Variants in SEC16A observed in about 807,000 individuals in gnomAD.
SEC16A encodes the protein SEC16 homolog A, endoplasmic reticulum export factor.
Under a neutral mutation model 221.9 loss-of-function variants are expected in SEC16A, and 110 were observed. The observed-to-expected ratio is 0.50, with a 90% CI of 0.42 to 0.58. SEC16A has a LOEUF of 0.58. SEC16A is among the 20% of genes least tolerant of loss of function. The probability of loss-of-function intolerance (pLI) is 0.00; values close to 1 mark genes in which losing one functional copy is unlikely to be tolerated. For missense variants in SEC16A, 3,165 were observed against 3,097.8 expected, an observed-to-expected ratio of 1.02 and a Z score of -0.52; for synonymous variants, 1,393 against 1,257.7, an observed-to-expected ratio of 1.11 and a Z score of -2.28.
Position 136,460,259 on chromosome 9 carries a change from T to TAA in SEC16A, c.4992-138_4992-137dup, listed in dbSNP as rs1188005412. 7.9e-6 allele frequency: 5 copies of TAA among 633,966 alleles called. No homozygotes were observed. The East Asian group carries it at 1.4e-4, about 18-fold the overall frequency. The allele number at this position is 633,966 out of a possible 1,614,324, so 39.3% of individuals were successfully genotyped here. On this transcript the variant is annotated intron_variant, in intron 13 of 31. Coordinates refer to ENST00000684901, the MANE Select transcript of SEC16A (RefSeq NM_014866.2). Reference sequence around the variant, plus strand: ...GGGCGGATCACCTGAGGTCAGAAGTTAAGAGACTAACATGGAGAAACCCCA... The same window carrying TAA: ...GGGCGGATCACCTGAGGTCAGAAGTTAAAAGAGACTAACATGGAGAAACCCCA...
At position 136,474,187 on chromosome 9, in the gene SEC16A, T is replaced by G. The variant is rs780218781; in HGVS notation, c.3429A>C (p.Pro1143=). ...GTGGGCCGGGGGCAAGTGCAGGCAC[T>G]GGCTGTGGCCACGGCTGCTCTGACG... ...AVPSEQPWPQ[P]VPALAPGPPP... The change falls in exon 3 of 32, where the codon CCA becomes CCC. Residue 1143 remains proline, a synonymous_variant. Transcript: ENST00000684901. 3.1e-6 allele frequency: 5 copies of G among 1,612,706 alleles called. No homozygotes were observed. Among genetic ancestry groups the G allele is most frequent in the African/African-American group, 1.3e-5 (1 of 75,058 alleles).
In SEC16A at chr9:136,475,993, C is replaced by G; in HGVS notation, c.1623G>C (p.Glu541Asp). ...GRLSGSARPQELVGTFIQQEV... is the reference protein window; with the variant it reads ...GRLSGSARPQDLVGTFIQQEV... ...CTTGCTGAATGAATGTGCCAACCAG[C>G]TCCTGGGGCCTGGCTGAGCCTGAGA... The change falls in exon 3 of 32, where the codon GAG (glutamate) becomes GAC (aspartate). Residue 541 changes from glutamate (E) to aspartate (D), a missense_variant. Around this residue, in one of 3 missense-constraint regions of SEC16A, gnomAD observed 2,030 missense variants for 1,923.1 expected, o/e 1.06. Transcript: ENST00000684901. The surrounding 1 kb of genome is among the most constrained non-coding windows in gnomAD (Gnocchi z 5.0). The G allele has an allele frequency of 6.2e-7, 1 of 1,613,534 alleles. No individual in the cohort carries two copies.
rs1164577202 is a variant in SEC16A at position 136,447,524 on chromosome 9, A to T, written c.6559+45T>A. 6.4e-7 allele frequency: 1 copy of T among 1,560,214 alleles called. No homozygotes were observed. Among genetic ancestry groups the T allele is most frequent in the Non-Finnish European group, 8.8e-7 (1 of 1,134,514 alleles). On this transcript the variant is annotated intron_variant, in intron 26 of 31. Transcript: ENST00000684901. The surrounding 1 kb of genome is among the most constrained non-coding windows in gnomAD (Gnocchi z 5.5). ...CTACACATTGGCCTCTCTCTCTGGGACAGTTAATCGTTCAAGCAAGCTCCC... is the reference window on the plus strand; with the variant it reads ...CTACACATTGGCCTCTCTCTCTGGGTCAGTTAATCGTTCAAGCAAGCTCCC...
rs1437043940 is a variant in SEC16A, at chr9:136,440,744, T to C, written c.*1011A>G. 6.6e-6 allele frequency: 1 copy of C among 152,464 alleles called. No individual in the cohort carries two copies. The highest frequency in any genetic ancestry group is 1.5e-5 in the Non-Finnish European group (1 of 68,030). 9.4% of individuals were successfully genotyped at this position (152,464 alleles called of 1,614,324 possible). ...AGTTCCAGAGCTGCTGTCAAGAAAC[T>C]GTGTTAAGATACTCTCCCCAAGTGC... On this transcript the variant is annotated 3_prime_UTR_variant, in exon 32 of 32. Transcript: ENST00000684901.
chr9:136,463,017 TC>T lies in SEC16A; in HGVS notation c.4762del (p.Glu1588SerfsTer51). 6.2e-7 allele frequency: 1 copy of T among 1,612,034 alleles called. No homozygotes were observed. ...NLIDFTNEAVEQVEEEESGEA... is the reference protein window; with the variant it reads ...NLIDFTNEAVXQVEEEESGEA... ...ACCAGACTCCTCCTCTTCCACCTGC[TC>T]CACTGCCTCATTCGTGAAATCAATC... On this transcript the variant is annotated frameshift_variant, in exon 12 of 32. Coordinates refer to ENST00000684901, the MANE Select transcript of SEC16A (RefSeq NM_014866.2). LOFTEE classifies it high-confidence loss of function.
Position 136,463,347 on chromosome 9 carries a change from G to A in SEC16A, c.4647+116C>T, listed in dbSNP as rs903622763. The stretch of plus-strand genomic sequence containing the variant: ...CAGTGTGCTTCCTAAGGGGGCCCTC[G>A]AGGCTCCCATAGCTGGCCACGCGGA... On this transcript the variant is annotated intron_variant, in intron 11 of 31. Transcript: ENST00000684901. The A allele has an allele frequency of 3.9e-5, 54 of 1,387,692 alleles. No individual in the cohort carries two copies. The South Asian group carries it at 3.9e-4, about 10-fold the overall frequency. 86.0% of individuals were successfully genotyped at this position (1,387,692 alleles called of 1,614,324 possible). A position where few individuals can be genotyped will look rare whatever the true frequency, so the allele number is the denominator to read the frequency against.
In SEC16A at chr9:136,456,074, C is replaced by T. The variant is rs747407765; in HGVS notation, c.5643G>A (p.Gln1881=). ...LAAPTWLVHL[Q]QVERQIKEGA... ...GTACCTTAATCTGCCGCTCCACCTG[C>T]TGCAGGTGAACCAGCCACGTGGGTG... Residue 1881 remains glutamine, a synonymous_variant, in exon 19 of 32, where the codon CAG becomes CAA. Transcript: ENST00000684901. 4 of 1,612,916 alleles carry T rather than the reference C, an allele frequency of 2.5e-6. No homozygotes were observed. The East Asian group carries it at 8.9e-5, about 36-fold the overall frequency.
intron 5 of SEC16A, 35 bp from the exon 6 acceptor site, chr9:136,467,118 A>G: frequency 6.2e-7 from 1 of 1,612,118 alleles, no homozygotes; most frequent in East Asian, 2.2e-5. Flanking sequence ...ATACAGTAAC[A>G]TGCAAAAGAA....
chr9:136,470,075 C>A lies in SEC16A; in HGVS notation c.3705-1563G>T, dbSNP rs181580792. On this transcript the variant is annotated intron_variant, in intron 4 of 31. Transcript: ENST00000684901. ...CAGTGCCTGCGGGGATCTGACCACACCAGGCCCAGAGAGTTGAGTCCATGC... is the reference window on the plus strand; with the variant it reads ...CAGTGCCTGCGGGGATCTGACCACAACAGGCCCAGAGAGTTGAGTCCATGC... 3.1e-3 allele frequency among the ~76,000 whole-genome samples: 472 copies of A among 152,368 alleles called. 2 individuals carry two copies. The highest frequency in any genetic ancestry group is 6.0e-3 in the Admixed American group (92 of 15,308).
chr9:136,479,865 G>A (rs1189739505), intron 1 of SEC16A, among the ~76,000 whole-genome samples: 1 of 151,976 alleles, frequency 6.6e-6, no homozygotes, highest in Non-Finnish European at 1.5e-5. Flanking sequence ...TGCCGGTCGT[G>A]GTGGTGCGTG....
chr9:136,474,274 A>G lies in SEC16A; in HGVS notation c.3342T>C (p.Pro1114=), dbSNP rs1841311873. Residue 1114 remains proline (P), a synonymous_variant, in exon 3 of 32, where the codon CCT becomes CCC. Coordinates refer to ENST00000684901, the MANE Select transcript of SEC16A (RefSeq NM_014866.2). ...ACACGCTAGAGGACTGAGGAGGCCGAGGGGGCAGCTGCTGACCCGCGTCGA... is the reference window on the plus strand; with the variant it reads ...ACACGCTAGAGGACTGAGGAGGCCGGGGGGGCAGCTGCTGACCCGCGTCGA... ...VLVDAGQQLP[P]RPPQSSSVSL... is the part of the protein sequence containing the mutation. 1 of 1,607,912 alleles carries G rather than the reference A, an allele frequency of 6.2e-7. No individual in the cohort carries two copies. The highest frequency in any genetic ancestry group is 1.3e-5 in the African/African-American group (1 of 74,976).
In SEC16A at chr9:136,483,020, C is replaced by T. The variant is rs953685716; in HGVS notation, c.-274G>A. On this transcript the variant is annotated 5_prime_UTR_variant, in exon 1 of 32. Coordinates refer to ENST00000684901, the MANE Select transcript of SEC16A (RefSeq NM_014866.2). ...CGACGAGCACAGACACCTCAGCCGC[C>T]GCAGCCATCTTGGCACATCCGGCTC... The T allele has an allele frequency of 5.2e-5, 51 of 985,182 alleles. No individual in the cohort carries two copies. The highest frequency in any genetic ancestry group is 6.1e-5 in the Non-Finnish European group (51 of 829,838). The allele number at this position is 985,182 out of a possible 1,614,324, so 61.0% of individuals were successfully genotyped here.
At position 136,454,663 on chromosome 9, in the gene SEC16A, G is replaced by T. The variant is rs192749032; in HGVS notation, c.5858-336C>A. On this transcript the variant is annotated intron_variant, in intron 20 of 31. Transcript: ENST00000684901. ...CGAGTCCCCTCCTCCACGGCCAGGG[G>T]TCACACAGGCCACTCGTTCATTCCT... 7.2e-4 allele frequency among the ~76,000 whole-genome samples: 110 copies of T among 152,332 alleles called. 1 individual carries two copies. Among genetic ancestry groups the T allele is most frequent in the Middle Eastern group, 6.8e-3 (2 of 294 alleles).
rs1840185404 is a variant in SEC16A at position 136,466,537 on chromosome 9, C to T, written c.3930-75G>A. 7.1e-7 allele frequency: 1 copy of T among 1,411,032 alleles called. No individual in the cohort carries two copies. The highest frequency in any genetic ancestry group is 9.5e-7 in the Non-Finnish European group (1 of 1,049,698). 87.4% of individuals were successfully genotyped at this position (1,411,032 alleles called of 1,614,324 possible). ...CCGTCCCCATGTGCCACGCAGCTGC[C>T]CAGGAGCTGAGACCGAGACCCCTGG... On this transcript the variant is annotated intron_variant, in intron 6 of 31. Transcript: ENST00000684901. The surrounding 1 kb of genome is among the most constrained non-coding windows in gnomAD (Gnocchi z 5.5).
intron 20 of SEC16A, 64 bp from the exon 21 acceptor site, chr9:136,454,391 G>T: frequency 7.2e-7 from 1 of 1,389,048 alleles, no homozygotes; most frequent in Non-Finnish European, 1.0e-6. Flanking sequence ...ACTGGAAGGA[G>T]CTGACACTCG....
At chr9:136,453,632 C>T (rs1838191783) in intron 21 of SEC16A, 122 bp from the exon 22 acceptor site, 2 of 743,760 alleles carry the variant, frequency 2.7e-6, no homozygotes, top group East Asian at 2.5e-5. Context: ...GCATGATCTG[C>T]AGAAACCAAG....
At chr9:136,480,865 G>A (rs1589030383) in intron 1 of SEC16A, among the ~76,000 whole-genome samples, 1 of 150,978 alleles carries the variant, frequency 6.6e-6, no homozygotes, top group African/African-American at 2.4e-5. Flanking sequence ...ACTCCCGCCT[G>A]GGCAGAGCGA....
At chr9:136,483,749 G>T (rs1589045251), upstream of SEC16A, 1 of 985,472 alleles carries the variant, frequency 1.0e-6, no homozygotes, top group African/African-American at 1.7e-5. Flanking sequence ...TGACGCGGGC[G>T]CGCTCCTCGC....
intron 23 of SEC16A, chr9:136,448,451 G>C (rs552659037): frequency 1.3e-5 from 9 of 711,252 alleles, no homozygotes; most frequent in Admixed American, 2.0e-5. Context: ...GAGGATGGAG[G>C]TGGGAGCAGA....
Sources: gnomAD v4.1 joint callset for allele counts (sites outside exome capture counted in the v4.1 genomes callset) on GRCh38, gnomAD v4.1.1 for gene constraint, gnomAD v4.1.1 regional missense constraint, Gnocchi (gnomAD v3.1) non-coding constraint, MANE v1.5 for transcripts, NCBI Gene and HGNC (gene_info 2026-07-23, HGNC 2026-07-21) for gene names.